Variants in CEP83 observed in about 807,000 individuals in gnomAD.
The protein encoded by CEP83 is centrosomal protein 83.
CEP83 carries 70 observed loss-of-function variants against 101.9 expected under a neutral mutation model. That is an observed-to-expected ratio of 0.69 (90% CI 0.57 to 0.84). The LOEUF is 0.84. Among genes scored for constraint, CEP83 ranks in the 40% least tolerant of loss-of-function variants. CEP83 has a pLI of 0.00. For synonymous variants in CEP83, 264 were observed against 267.9 expected (o/e 0.99, Z 0.14); for missense variants, 715 against 787.2 (o/e 0.91, Z 1.10).
intron 2 of CEP83, among the ~76,000 whole-genome samples, chr12:94,428,465 T>C (rs2065373970): frequency 6.6e-6 from 1 of 152,218 alleles, no homozygotes. Flanking sequence ...CTGAAAATTG[T>C]TTTTTAAATA....
chr12:94,438,094 C>T lies in CEP83; in HGVS notation c.-154-2767G>A, dbSNP rs756618348. Among the ~76,000 whole-genome samples, 3 of 152,066 alleles carry T rather than the reference C, an allele frequency of 2.0e-5. No homozygotes were observed. The South Asian group carries it at 6.2e-4, about 32-fold the overall frequency. ...ATTACCCAGGCATGGTGGCAGGTGC[C>T]TGTAAACCCAGCTACTCGGGAGGCA... On this transcript the variant is annotated intron_variant, in intron 1 of 16. Coordinates refer to ENST00000397809, the MANE Select transcript of CEP83 (RefSeq NM_016122.3).
rs747813874 is a variant in CEP83 at position 94,411,805 on chromosome 12, G to A, written c.216C>T (p.His72=). 10 of 1,612,646 alleles carry A rather than the reference G, an allele frequency of 6.2e-6. No homozygotes were observed. The African/African-American group carries it at 1.1e-4, about 17-fold the overall frequency. ...GCTGAGTTTGCTTTTCATTAAACAGGTGCTTGAGTTCATTTTGTAACTTTA... is the reference window on the plus strand; with the variant it reads ...GCTGAGTTTGCTTTTCATTAAACAGATGCTTGAGTTCATTTTGTAACTTTA... ...EHVKLQNELK[H]LFNEKQTQQE... The change falls in exon 4 of 17, where the codon CAC becomes CAT. Residue 72 remains histidine, a synonymous_variant. Transcript: ENST00000397809.
chr12:94,372,529 G>A (rs779128995), intron 8 of CEP83, among the ~76,000 whole-genome samples: 2 of 152,076 alleles, frequency 1.3e-5, no homozygotes, highest in Non-Finnish European at 1.5e-5. Flanking sequence ...AACTGTAAAA[G>A]GTTAAGAATG....
chr12:94,378,772 G>T lies in CEP83; in HGVS notation c.801+19C>A, dbSNP rs1383301423. The T allele has an allele frequency of 2.5e-6, 4 of 1,613,004 alleles. No homozygotes were observed. Among genetic ancestry groups the T allele is most frequent in the African/African-American group, 1.3e-5 (1 of 74,846 alleles). Reference sequence around the variant, plus strand: ...AAAAAAGTATGCCATACTCTACTGGGAAGTAATTAGAATCTTACCTCCAGG... The same window carrying T: ...AAAAAAGTATGCCATACTCTACTGGTAAGTAATTAGAATCTTACCTCCAGG... On this transcript the variant is annotated intron_variant, in intron 7 of 16. Transcript: ENST00000397809.
At chr12:94,407,289 C>T (rs2063601252) in intron 4 of CEP83, among the ~76,000 whole-genome samples, 1 of 151,832 alleles carries the variant, frequency 6.6e-6, no homozygotes, top group Non-Finnish European at 1.5e-5. Flanking sequence ...CTCAATAAAC[C>T]CCAAGCACTA....
At chr12:94,458,928 A>T (rs749856784) in intron 1 of CEP83, among the ~76,000 whole-genome samples, 31 of 152,322 alleles carry the variant, frequency 2.0e-4, no homozygotes, top group Non-Finnish European at 3.2e-4. Context: ...TTGTTTACAG[A>T]CATGTTGCTT....
chr12:94,280,226 G>C, the CEP83 span: 2 of 168,274 alleles, frequency 1.2e-5, no homozygotes, highest in East Asian at 3.4e-4. Context: ...GCATATGCGT[G>C]AGCAAGCTAA....
At chr12:94,383,878 T>C (rs915680985) in intron 6 of CEP83, among the ~76,000 whole-genome samples, 1 of 152,148 alleles carries the variant, frequency 6.6e-6, no homozygotes, top group Non-Finnish European at 1.5e-5. Context: ...CACCTCCTTT[T>C]ATATCCCTTT....
At chr12:94,276,518 C>G in the CEP83 span, among the ~76,000 whole-genome samples, 1 of 152,146 alleles carries the variant, frequency 6.6e-6, no homozygotes, top group East Asian at 1.9e-4. Context: ...ATGGCATAGC[C>G]GAGGGGTTTG....
chr12:94,318,992 T>G (rs1971166347), intron 14 of CEP83, among the ~76,000 whole-genome samples: 1 of 152,202 alleles, frequency 6.6e-6, no homozygotes, highest in Non-Finnish European at 1.5e-5. Flanking sequence ...CAGTACCAGC[T>G]CTTCTTTGAA....
rs1366046620 is a variant in CEP83 at position 94,392,494 on chromosome 12, G to A, written c.549+8356C>T. ...CTCTGGGACACATTTACAGCAGTGTGTAAAGGGAAATTTATAGCACTAAAT... is the reference window on the plus strand; with the variant it reads ...CTCTGGGACACATTTACAGCAGTGTATAAAGGGAAATTTATAGCACTAAAT... On this transcript the variant is annotated intron_variant, in intron 6 of 16. Coordinates refer to ENST00000397809, the MANE Select transcript of CEP83 (RefSeq NM_016122.3). 2.6e-5 allele frequency among the ~76,000 whole-genome samples: 4 copies of A among 152,312 alleles called. No homozygotes were observed. In the East Asian group the frequency reaches 7.7e-4, roughly 29 times the overall value.
At chr12:94,300,553 A>AC in the CEP83 span, among the ~76,000 whole-genome samples, 1 of 152,184 alleles carries the variant, frequency 6.6e-6, no homozygotes, top group Non-Finnish European at 1.5e-5. Flanking sequence ...CAGAGGAGAG[A>AC]CATGGTCTGA....
At chr12:94,289,174 G>C in the CEP83 span, among the ~76,000 whole-genome samples, 4 of 152,110 alleles carry the variant, frequency 2.6e-5, no homozygotes, top group East Asian at 7.7e-4. Context: ...ACCTTCACTT[G>C]CAAGTGGTTT....
chr12:94,453,637 A>G (rs962955577), intron 1 of CEP83, among the ~76,000 whole-genome samples: 7 of 152,228 alleles, frequency 4.6e-5, no homozygotes, highest in Non-Finnish European at 1.0e-4. Flanking sequence ...AATATTGATT[A>G]AACCCATATA....
intron 2 of CEP83, among the ~76,000 whole-genome samples, chr12:94,417,111 C>T (rs140778872): frequency 0.011 from 1,604 of 152,038 alleles, 28 homozygotes; most frequent in African/African-American, 0.036. Flanking sequence ...ACCAGGAGTT[C>T]GAGACCAGCC....
intron 15 of CEP83, among the ~76,000 whole-genome samples, chr12:94,311,983 G>C: frequency 6.6e-6 from 1 of 152,112 alleles, no homozygotes; most frequent in South Asian, 2.1e-4. Flanking sequence ...GCTGAGGCAG[G>C]AGAATAGATT....
chr12:94,269,927 A>G, the CEP83 span, among the ~76,000 whole-genome samples: 1 of 152,388 alleles, frequency 6.6e-6, no homozygotes, highest in South Asian at 2.1e-4. Flanking sequence ...AAAAATTAAC[A>G]TGTAATGGGT....
intron 2 of CEP83, among the ~76,000 whole-genome samples, chr12:94,427,845 C>T (rs1337718629): frequency 1.3e-5 from 2 of 152,182 alleles, no homozygotes; most frequent in East Asian, 1.9e-4. Flanking sequence ...TAATCCTGCA[C>T]TAGTCACCCA....
intron 1 of CEP83, among the ~76,000 whole-genome samples, chr12:94,448,917 G>C (rs2067006727): frequency 6.9e-6 from 1 of 144,308 alleles, no homozygotes; most frequent in African/African-American, 2.6e-5. Flanking sequence ...AAAACAAGCA[G>C]AAAAATAATA....
Sources: gnomAD v4.1 joint callset for allele counts (sites outside exome capture counted in the v4.1 genomes callset) on GRCh38, gnomAD v4.1.1 for gene constraint, MANE v1.5 for transcripts, NCBI Gene and HGNC (gene_info 2026-07-23, HGNC 2026-07-21) for gene names.